Variants in COPA observed in about 807,000 individuals in gnomAD.
The protein encoded by COPA is coat protein complex I subunit alpha, also known as coatomer subunit alpha.
Under a neutral mutation model 158.7 loss-of-function variants are expected in COPA, and 10 were observed. That is an observed-to-expected ratio of 0.06 (90% CI 0.04 to 0.11). The LOEUF is 0.11. Ranked by LOEUF, COPA falls within the 10% of genes least tolerant of loss-of-function variation. COPA has a pLI of 1.00. For synonymous variants in COPA, 462 were observed against 542.8 expected, an observed-to-expected ratio of 0.85 and a Z score of 2.07; for missense variants, 1,065 against 1,536.7, an observed-to-expected ratio of 0.69 and a Z score of 5.13.
At chr1:160,330,127 C>CA (rs1557874169) in intron 6 of COPA, among the ~76,000 whole-genome samples, 30 of 151,910 alleles carry the variant, frequency 2.0e-4, no homozygotes, top group African/African-American at 7.2e-4. Context: ...GCCACCCCCC[C>CA]CAAAAAAAAA....
rs373457952 is a variant in COPA, at chr1:160,313,524, T to C, written c.843-357A>G. Among the ~76,000 whole-genome samples, 919 of 152,176 alleles carry C rather than the reference T, an allele frequency of 6.0e-3. 7 individuals carry two copies. The highest frequency in any genetic ancestry group is 0.02 in the African/African-American group (838 of 41,526). On this transcript the variant is annotated intron_variant, in intron 9 of 32. Transcript: ENST00000241704. ...CCACCTCCCAGGTTCATGCCATTCT[T>C]CTGCCTCAGCCTCCTGAGTAGCTGG...
chr1:160,340,852 C>G (rs1399133234), intron 1 of COPA, among the ~76,000 whole-genome samples: 1 of 152,212 alleles, frequency 6.6e-6, no homozygotes, highest in Non-Finnish European at 1.5e-5. Flanking sequence ...AGTGCTCTCT[C>G]TCTGCAGCCC....
At chr1:160,318,472 A>AAAAAAAAAC in intron 8 of COPA, among the ~76,000 whole-genome samples, 1 of 81,768 alleles carries the variant, frequency 1.2e-5, no homozygotes, top group Non-Finnish European at 2.4e-5. Context: ...TATTTGTAAA[A>AAAAAAAAAC]AAAAAAAAAA....
At chr1:160,340,327 A>G in intron 1 of COPA, 33 bp from the exon 2 acceptor site, 1 of 1,382,008 alleles carries the variant, frequency 7.2e-7, no homozygotes, top group Non-Finnish European at 1.0e-6. Context: ...CAATGAGCTA[A>G]CTAAGCCCCA....
intron 4 of COPA, 30 bp from the exon 5 acceptor site, chr1:160,333,709 A>G: frequency 2.6e-6 from 4 of 1,546,314 alleles, no homozygotes; most frequent in Non-Finnish European, 3.6e-6. Context: ...AAGGCTTTAA[A>G]CATTAAACAA....
At position 160,289,313 on chromosome 1, in the gene COPA, T is replaced by G. The variant is rs1231686875; in HGVS notation, c.*844A>C. 6.6e-6 allele frequency: 1 copy of G among 152,194 alleles called. No homozygotes were observed. The highest frequency in any genetic ancestry group is 1.5e-5 in the Non-Finnish European group (1 of 68,034). 9.4% of individuals were successfully genotyped at this position (152,194 alleles called of 1,614,324 possible). On this transcript the variant is annotated 3_prime_UTR_variant, in exon 33 of 33. Transcript: ENST00000241704. ...AGAGATTTATTTAGTGTGAGAAATA[T>G]GAGAACAATAGTTGTAAAGAACAAA...
At chr1:160,339,065 C>T (rs916631872) in intron 3 of COPA, among the ~76,000 whole-genome samples, 6 of 131,172 alleles carry the variant, frequency 4.6e-5, no homozygotes, top group Non-Finnish European at 6.1e-5. Flanking sequence ...TTAATGACAC[C>T]CCCTTTACCC....
chr1:160,292,399 G>T (rs1658270238), intron 28 of COPA, 85 bp downstream of exon 28: 2 of 1,599,882 alleles, frequency 1.3e-6, no homozygotes, highest in African/African-American at 2.7e-5. Context: ...AGCTCTGAGA[G>T]AATTCTGACT....
At chr1:160,311,391 T>C (rs1463843488) in intron 11 of COPA, among the ~76,000 whole-genome samples, 1 of 151,246 alleles carries the variant, frequency 6.6e-6, no homozygotes, top group African/African-American at 2.4e-5. Context: ...TGAGCTGAGG[T>C]TGCATCACTG....
At chr1:160,319,961 GA>G (rs1400425124) in intron 8 of COPA, among the ~76,000 whole-genome samples, 1 of 124,132 alleles carries the variant, frequency 8.1e-6, no homozygotes, top group Non-Finnish European at 1.7e-5. Flanking sequence ...ACAATCTAAT[GA>G]TACACCTCAA....
At position 160,322,034 on chromosome 1, in the gene COPA, A is replaced by G. The variant is rs200083507; in HGVS notation, c.706+1397T>C. ...TGTAAAAATGATAGGGTAAATTACT[A>G]CCTAAAGTAATTTACAGATTTATTG... On this transcript the variant is annotated intron_variant, in intron 8 of 32. Coordinates refer to ENST00000241704, the MANE Select transcript of COPA (RefSeq NM_004371.4). Among the ~76,000 whole-genome samples, 16 of 152,296 alleles carry G rather than the reference A, an allele frequency of 1.1e-4. 1 individual carries two copies. In the East Asian group the frequency reaches 3.1e-3, roughly 29 times the overall value.
At position 160,296,135 on chromosome 1, in the gene COPA, G is replaced by C; in HGVS notation, c.2278C>G (p.Leu760Val). The C allele has an allele frequency of 6.2e-7, 1 of 1,614,192 alleles. No homozygotes were observed. Among genetic ancestry groups the C allele is most frequent in the Non-Finnish European group, 8.5e-7 (1 of 1,180,012 alleles). Residue 760 changes from leucine (L) to valine (V), a missense_variant, in exon 22 of 33, where the codon CTC becomes GTC. Coordinates refer to ENST00000241704, the MANE Select transcript of COPA (RefSeq NM_004371.4). ...KNCGQKSLAY[L>V]TAATHGLDEE... ...TCTAAGCCATGGGTAGCAGCTGTGA[G>C]ATAGGCCAGGGACTCTGTAGAGAAA...
At chr1:160,341,707 A>G (rs935725142) in intron 1 of COPA, among the ~76,000 whole-genome samples, 12 of 152,262 alleles carry the variant, frequency 7.9e-5, no homozygotes, top group Admixed American at 4.6e-4. Flanking sequence ...AAGTAACTTA[A>G]CTTTTTTTTT....
At chr1:160,313,299 A>C (rs981373102) in intron 9 of COPA, 132 bp from the exon 10 acceptor site, 3 of 709,618 alleles carry the variant, frequency 4.2e-6, no homozygotes, top group Non-Finnish European at 7.2e-6. Context: ...GCATATCCTA[A>C]GTAACAGTAG....
chr1:160,315,907 A>T (rs1659116583), intron 8 of COPA, among the ~76,000 whole-genome samples: 1 of 152,248 alleles, frequency 6.6e-6, no homozygotes, highest in Non-Finnish European at 1.5e-5. Context: ...TTTACCAGAG[A>T]AGTTTAACAA....
rs540668486 is a variant in COPA, at chr1:160,302,813, C to T, written c.1667+2620G>A. 1.6e-4 allele frequency among the ~76,000 whole-genome samples: 25 copies of T among 152,058 alleles called. No homozygotes were observed. The East Asian group carries it at 4.9e-3, about 30-fold the overall frequency. On this transcript the variant is annotated intron_variant, in intron 17 of 32. Transcript: ENST00000241704. ...TCGTGATCCACCCGCCTCAGCCTCC[C>T]AAAGTGCTGGGATTACAGGCGTGAG...
intron 8 of COPA, among the ~76,000 whole-genome samples, chr1:160,315,516 C>T (rs1199749637): frequency 6.6e-6 from 1 of 152,206 alleles, no homozygotes; most frequent in African/African-American, 2.4e-5. Flanking sequence ...CCCTTTGGGA[C>T]CTCCCCATTC....
chr1:160,332,860 C>T (rs1647592983), intron 5 of COPA, among the ~76,000 whole-genome samples: 3 of 152,090 alleles, frequency 2.0e-5, no homozygotes, highest in Admixed American at 6.5e-5. Context: ...CTCAGTAATC[C>T]ATACTGTAAA....
intron 13 of COPA, 38 bp from the exon 14 acceptor site, chr1:160,307,283 G>A (rs1571159962): frequency 6.3e-7 from 1 of 1,594,934 alleles, no homozygotes; most frequent in Non-Finnish European, 8.6e-7. Flanking sequence ...AGCATGTGGT[G>A]AGTCACTGGC....
Sources: gnomAD v4.1 joint callset for allele counts (sites outside exome capture counted in the v4.1 genomes callset) on GRCh38, gnomAD v4.1.1 for gene constraint, MANE v1.5 for transcripts, NCBI Gene and HGNC (gene_info 2026-07-23, HGNC 2026-07-21) for gene names.